XRCC4: variants seen among roughly 807,000 people sequenced by gnomAD.
XRCC4 encodes X-ray repair cross complementing 4, also known as DNA repair protein XRCC4.
Under a neutral mutation model 39.1 loss-of-function variants are expected in XRCC4, and 28 were observed. The observed-to-expected ratio is 0.72, with a 90% CI of 0.53 to 0.98. XRCC4 has a LOEUF of 0.98. Among genes scored for constraint, XRCC4 ranks in the 50% least tolerant of loss-of-function variants. The pLI is 0.00. For missense variants in XRCC4, 350 were observed against 376.4 expected (o/e 0.93, Z 0.58); for synonymous variants, 123 against 126.4 (o/e 0.97, Z 0.18).
At chr5:83,177,942 G>A (rs1750033224) in intron 3 of XRCC4, among the ~76,000 whole-genome samples, 1 of 152,126 alleles carries the variant, frequency 6.6e-6, no homozygotes. Context: ...GAGCCTAGTT[G>A]GAAGGCTGTC....
intron 3 of XRCC4, among the ~76,000 whole-genome samples, chr5:83,151,749 A>G (rs1312921171): frequency 6.6e-6 from 1 of 152,156 alleles, no homozygotes; most frequent in Non-Finnish European, 1.5e-5. Context: ...ATTTCTGCCG[A>G]AACCTTACCA....
intron 2 of XRCC4, among the ~76,000 whole-genome samples, chr5:83,105,863 T>C (rs1440439365): frequency 6.6e-6 from 1 of 152,156 alleles, no homozygotes; most frequent in Non-Finnish European, 1.5e-5. Flanking sequence ...ACTTTAGAAA[T>C]ATTTCTCTAG....
At chr5:83,148,159 A>G (rs1052986067) in intron 3 of XRCC4, among the ~76,000 whole-genome samples, 11 of 152,230 alleles carry the variant, frequency 7.2e-5, no homozygotes, top group African/African-American at 2.7e-4. Context: ...ATTAAAAAGC[A>G]TGGATAGCTA....
At chr5:83,143,520 C>T (rs1010229697) in intron 3 of XRCC4, among the ~76,000 whole-genome samples, 1 of 152,062 alleles carries the variant, frequency 6.6e-6, no homozygotes, top group Non-Finnish European at 1.5e-5. Flanking sequence ...GTTGGTATTT[C>T]CATTTCTTTT....
intron 7 of XRCC4, among the ~76,000 whole-genome samples, chr5:83,331,888 G>A (rs779605681): frequency 2.0e-5 from 3 of 152,122 alleles, no homozygotes; most frequent in Non-Finnish European, 4.4e-5. Context: ...GTTGATATCT[G>A]AACATCTCCA....
chr5:83,326,887 T>C (rs1322839604), intron 7 of XRCC4, among the ~76,000 whole-genome samples: 1 of 152,050 alleles, frequency 6.6e-6, no homozygotes, highest in African/African-American at 2.4e-5. Context: ...TGCTGTTCCG[T>C]GAATATATAT....
At chr5:83,287,661 G>T (rs1323018469) in intron 7 of XRCC4, among the ~76,000 whole-genome samples, 2 of 151,672 alleles carry the variant, frequency 1.3e-5, no homozygotes, top group Admixed American at 1.3e-4. Flanking sequence ...AGTTCCTCCC[G>T]AAAATGTGTA....
intron 7 of XRCC4, among the ~76,000 whole-genome samples, chr5:83,331,819 T>A (rs1756445498): frequency 6.6e-6 from 1 of 152,082 alleles, no homozygotes; most frequent in East Asian, 1.9e-4. Context: ...GATAATTGAC[T>A]GAAAAAATAA....
At chr5:83,207,790 T>C (rs1751477647) in intron 6 of XRCC4, among the ~76,000 whole-genome samples, 1 of 152,044 alleles carries the variant, frequency 6.6e-6, no homozygotes, top group Non-Finnish European at 1.5e-5. Flanking sequence ...GAACACAGCT[T>C]TCTCTTTTTG....
At chr5:83,118,951 G>A (rs898121129) in intron 3 of XRCC4, among the ~76,000 whole-genome samples, 1 of 152,144 alleles carries the variant, frequency 6.6e-6, no homozygotes, top group African/African-American at 2.4e-5. Context: ...GATAAAGTAA[G>A]TATCCTACTC....
chr5:83,281,197 CTG>C (rs1754524739), intron 7 of XRCC4, among the ~76,000 whole-genome samples: 1 of 152,204 alleles, frequency 6.6e-6, no homozygotes, highest in Admixed American at 6.5e-5. Context: ...TCTTTCAAAT[CTG>C]TCTCCTTCTT....
At chr5:83,368,418 G>C in the XRCC4 span, among the ~76,000 whole-genome samples, 4 of 152,138 alleles carry the variant, frequency 2.6e-5, no homozygotes, top group African/African-American at 4.8e-5. Flanking sequence ...TTCTATCCTA[G>C]CCTAAAACTG....
chr5:83,344,771 T>C (rs1465180287), intron 7 of XRCC4, among the ~76,000 whole-genome samples: 1 of 152,222 alleles, frequency 6.6e-6, no homozygotes, highest in Non-Finnish European at 1.5e-5. Flanking sequence ...AATGTACCTA[T>C]GAGTAGAATT....
chr5:83,362,294 C>CAAAAAAAA, the XRCC4 span, among the ~76,000 whole-genome samples: 119 of 73,162 alleles, frequency 1.6e-3, 3 homozygotes, highest in Admixed American at 0.014. Flanking sequence ...GCTATTTAGG[C>CAAAAAAAA]AAAAAAAAAA....
chr5:83,331,914 A>G (rs1409817880), intron 7 of XRCC4, among the ~76,000 whole-genome samples: 3 of 152,230 alleles, frequency 2.0e-5, no homozygotes, highest in East Asian at 1.9e-4. Flanking sequence ...CCGTTTTTGT[A>G]TTTTCCACTA....
At chr5:83,370,747 A>G in the XRCC4 span, among the ~76,000 whole-genome samples, 2 of 152,094 alleles carry the variant, frequency 1.3e-5, no homozygotes, top group African/African-American at 2.4e-5. Context: ...CCCCCAATCC[A>G]TCTTCAAATT....
chr5:83,237,859 A>G (rs188875472), intron 6 of XRCC4, among the ~76,000 whole-genome samples: 72 of 152,092 alleles, frequency 4.7e-4, no homozygotes, highest in African/African-American at 1.6e-3. Context: ...AATATGTACA[A>G]CTCTTATGTA....
At chr5:83,294,195 C>T (rs1755018587) in intron 7 of XRCC4, among the ~76,000 whole-genome samples, 1 of 151,958 alleles carries the variant, frequency 6.6e-6, no homozygotes, top group Non-Finnish European at 1.5e-5. Context: ...TGCATTCTAA[C>T]CAGTGGCATG....
intron 2 of XRCC4, among the ~76,000 whole-genome samples, chr5:83,107,687 T>C (rs1434639989): frequency 6.6e-6 from 1 of 151,942 alleles, no homozygotes; most frequent in Non-Finnish European, 1.5e-5. Context: ...AGGAAACTTA[T>C]ATCACCCATC....
Sources: gnomAD v4.1 joint callset for allele counts (sites outside exome capture counted in the v4.1 genomes callset) on GRCh38, gnomAD v4.1.1 for gene constraint, MANE v1.5 for transcripts, NCBI Gene and HGNC (gene_info 2026-07-23, HGNC 2026-07-21) for gene names.